IFNAR2: variants seen among roughly 807,000 people sequenced by gnomAD.
IFNAR2 encodes interferon alpha and beta receptor subunit 2.
In IFNAR2, 30 loss-of-function variants were observed where a neutral mutation model predicts 49.4. The ratio of observed to expected loss-of-function variants is 0.61; its 90% CI spans 0.45 to 0.82. The LOEUF is 0.82. Among genes scored for constraint, IFNAR2 ranks in the 40% least tolerant of loss-of-function variants. IFNAR2 has a pLI of 0.00. For missense variants in IFNAR2, 600 were observed against 622.7 expected (o/e 0.96, Z 0.39); for synonymous variants, 224 against 234.5 (o/e 0.96, Z 0.41).
Position 33,255,999 on chromosome 21 carries a change from TTATTA to T in IFNAR2, c.709+3173_709+3177del, listed in dbSNP as rs565812205. On this transcript the variant is annotated intron_variant, in intron 7 of 8. Transcript: ENST00000342136. ...CAAAGACTGGATATATATGTATATT[TTATTA>T]TATCATTGATCTTACATACAAACGA... 4.0e-3 allele frequency among the ~76,000 whole-genome samples: 615 copies of T among 152,350 alleles called. 4 individuals are homozygous for T. The highest frequency in any genetic ancestry group is 0.014 in the African/African-American group (586 of 41,584).
chr21:33,262,744 A>G (rs1988714209), intron 8 of IFNAR2, 49 bp from the exon 9 acceptor site: 3 of 1,592,152 alleles, frequency 1.9e-6, no homozygotes, highest in African/African-American at 2.8e-5. Context: ...ATAAAGAGCA[A>G]ACAGTACAGC....
At chr21:33,238,071 C>T (rs1986614255) in intron 1 of IFNAR2, among the ~76,000 whole-genome samples, 1 of 152,170 alleles carries the variant, frequency 6.6e-6, no homozygotes, top group Admixed American at 6.5e-5. Flanking sequence ...AATCTTCCTG[C>T]GTATCATCAA....
chr21:33,233,797 TA>T (rs1986235058), intron 1 of IFNAR2, among the ~76,000 whole-genome samples: 2 of 151,796 alleles, frequency 1.3e-5, no homozygotes. Flanking sequence ...TAGAGAAAGG[TA>T]AAAAGACTTG....
intron 3 of IFNAR2, among the ~76,000 whole-genome samples, chr21:33,243,918 A>C (rs1019808070): frequency 6.6e-6 from 1 of 152,224 alleles, no homozygotes; most frequent in African/African-American, 2.4e-5. Flanking sequence ...AGAAATGAAC[A>C]CTAGAGATCA....
chr21:33,251,561 G>A, intron 6 of IFNAR2: 1 of 985,326 alleles, frequency 1.0e-6, no homozygotes, highest in Non-Finnish European at 1.2e-6. Context: ...TGGGTCGTAA[G>A]TTTGTTTGTT....
In IFNAR2 at chr21:33,243,663, T is replaced by G; in HGVS notation, c.56-10T>G. The G allele has an allele frequency of 6.2e-7, 1 of 1,611,730 alleles. No homozygotes were observed. The highest frequency in any genetic ancestry group is 8.5e-7 in the Non-Finnish European group (1 of 1,177,930). ...ACTATTGCCTCTCTAATGTGTTTTCTTCCTTCTAGTGTATATCAGCCTCGT... is the reference window on the plus strand; with the variant it reads ...ACTATTGCCTCTCTAATGTGTTTTCGTCCTTCTAGTGTATATCAGCCTCGT... On this transcript the variant is annotated splice_polypyrimidine_tract_variant and intron_variant, in intron 2 of 8. Transcript: ENST00000342136.
At position 33,262,805 on chromosome 21, in the gene IFNAR2, T is replaced by G; in HGVS notation, c.853T>G (p.Phe285Val). ...TTTTTTTTTTAAGAATTTTCATAAC[T>G]TTTTAGCCTGGCCATTTCCTAACCT... ...SLPKVLNFHNFLAWPFPNLPP... is the reference protein window; with the variant it reads ...SLPKVLNFHNVLAWPFPNLPP... The change falls in exon 9 of 9, where the codon TTT becomes GTT. Residue 285 changes from phenylalanine (F) to valine (V), a missense_variant. Phe to Val is a conservative substitution (Grantham distance 50). Transcript: ENST00000342136. 6.3e-7 allele frequency: 1 copy of G among 1,595,866 alleles called. No homozygotes were observed. The highest frequency in any genetic ancestry group is 8.5e-7 in the Non-Finnish European group (1 of 1,172,984).
At chr21:33,231,729 T>C in intron 1 of IFNAR2, 2 of 980,722 alleles carry the variant, frequency 2.0e-6, no homozygotes, top group Non-Finnish European at 2.4e-6. Context: ...ATGTTTTGTT[T>C]TGTTTGGTTT....
At chr21:33,257,151 C>T (rs1568893185) in intron 7 of IFNAR2, among the ~76,000 whole-genome samples, 1 of 152,158 alleles carries the variant, frequency 6.6e-6, no homozygotes. Context: ...AGCAGCCAGT[C>T]AGTTACTGGT....
chr21:33,260,735 G>T lies in IFNAR2; in HGVS notation c.840+8G>T. The T allele has an allele frequency of 1.4e-6, 2 of 1,466,674 alleles. No individual in the cohort carries two copies. Among genetic ancestry groups the T allele is most frequent in the Non-Finnish European group, 1.8e-6 (2 of 1,108,212 alleles). The allele number at this position is 1,466,674 out of a possible 1,614,324, so 90.9% of individuals were successfully genotyped here. Reference sequence around the variant, plus strand: ...AGCCTCCCCAAAGTCTTGGTAGGTAGTTTTTTTGTTTTGTTTTGTTTTTTC... The same window carrying T: ...AGCCTCCCCAAAGTCTTGGTAGGTATTTTTTTTGTTTTGTTTTGTTTTTTC... On this transcript the variant is annotated splice_region_variant and intron_variant, in intron 8 of 8. Transcript: ENST00000342136.
At position 33,258,181 on chromosome 21, in the gene IFNAR2, T is replaced by C. The variant is rs538068811; in HGVS notation, c.710-2416T>C. 8.5e-5 allele frequency among the ~76,000 whole-genome samples: 13 copies of C among 152,294 alleles called. No homozygotes were observed. The East Asian group carries it at 1.5e-3, about 18-fold the overall frequency. On this transcript the variant is annotated intron_variant, in intron 7 of 8. Transcript: ENST00000342136. ...TTAGCCAGGCGTGGTGGCATGCGTC[T>C]GGAGTCCCAGCTACTTGGGAGGCTG...
At chr21:33,247,015 G>C in intron 5 of IFNAR2, 125 bp downstream of exon 5, 1 of 703,838 alleles carries the variant, frequency 1.4e-6, no homozygotes, top group Non-Finnish European at 2.4e-6. Context: ...TCTTGGCCCT[G>C]CCACTTCCTA....
intron 2 of IFNAR2, among the ~76,000 whole-genome samples, chr21:33,243,145 C>T (rs938288093): frequency 4.1e-5 from 6 of 145,130 alleles, no homozygotes; most frequent in African/African-American, 1.5e-4. Context: ...ATGCAGTGAG[C>T]GATCTCACCT....
chr21:33,234,224 T>TGTGTGTGTGTGTGTGTGTGTGTG (rs1986278711), intron 1 of IFNAR2, among the ~76,000 whole-genome samples: 1 of 151,414 alleles, frequency 6.6e-6, no homozygotes, highest in South Asian at 2.1e-4. Context: ...TGTGTGTGTG[T>TGTGTGTGTGTGTGTGTGTGTGTG]TTATGCATAG....
chr21:33,261,119 C>G (rs958956848), intron 8 of IFNAR2, among the ~76,000 whole-genome samples: 1 of 143,112 alleles, frequency 7.0e-6, no homozygotes, highest in Admixed American at 7.6e-5. Context: ...TGACTGTAAC[C>G]TCTGCCTCCT....
chr21:33,232,952 A>G (rs1692828193), intron 1 of IFNAR2: 4 of 983,962 alleles, frequency 4.1e-6, no homozygotes, highest in Admixed American at 6.1e-5. Context: ...AAAGGAAAGA[A>G]CAACGTGGAT....
In IFNAR2 at chr21:33,262,943, A is replaced by C; in HGVS notation, c.991A>C (p.Arg331=). The change falls in exon 9 of 9, where the codon AGG becomes CGG. Residue 331 remains arginine (R), a synonymous_variant. Coordinates refer to ENST00000342136, the MANE Select transcript of IFNAR2 (RefSeq NM_001289125.3). ...ESDSDTEAAP[R]TSGGGYTMHG... The stretch of plus-strand genomic sequence containing the variant: ...TGATAGCGATACTGAGGCAGCGCCC[A>C]GGACAAGTGGCGGTGGCTATACCAT... 1 of 1,614,220 alleles carries C rather than the reference A, an allele frequency of 6.2e-7. No individual in the cohort carries two copies. The highest frequency in any genetic ancestry group is 1.6e-4 in the Middle Eastern group (1 of 6,062).
chr21:33,252,157 A>G, intron 6 of IFNAR2: 1 of 470,712 alleles, frequency 2.1e-6, no homozygotes, highest in South Asian at 1.6e-5. Context: ...GAGAAACTAG[A>G]CATCAGTCAG....
chr21:33,243,304 G>T (rs1174712578), intron 2 of IFNAR2, among the ~76,000 whole-genome samples: 1 of 152,002 alleles, frequency 6.6e-6, no homozygotes, highest in African/African-American at 2.4e-5. Context: ...GGCTGATCTC[G>T]AATCCTGACC....
Sources: allele counts gnomAD v4.1 joint callset (sites outside exome capture counted in the v4.1 genomes callset), GRCh38; gene constraint gnomAD v4.1.1; transcripts MANE v1.5; gene names NCBI Gene and HGNC (gene_info 2026-07-23, HGNC 2026-07-21).